Variants in AGPAT4 observed in about 807,000 individuals in gnomAD.
AGPAT4 encodes 1-acyl-sn-glycerol-3-phosphate acyltransferase delta.
A neutral mutation model predicts 48.0 loss-of-function variants in AGPAT4; 15 were observed. That is an observed-to-expected ratio of 0.31 (90% confidence interval 0.21 to 0.48). AGPAT4 has a LOEUF of 0.48. Ranked by LOEUF, AGPAT4 falls within the 20% of genes least tolerant of loss-of-function variation. The probability of loss-of-function intolerance (pLI) is 0.99; values close to 1 mark genes in which losing one functional copy is unlikely to be tolerated. For missense variants in AGPAT4, 314 were observed against 482.5 expected (o/e 0.65, Z 3.27); for synonymous variants, 178 against 198.7 (o/e 0.90, Z 0.88).
At position 161,159,777 on chromosome 6, in the gene AGPAT4, G is replaced by C. The variant is rs1418333913; in HGVS notation, c.349-5467C>G. On this transcript the variant is annotated intron_variant, in intron 3 of 8. Transcript: ENST00000320285. The surrounding 1 kb of genome is among the most constrained non-coding windows in gnomAD (Gnocchi z 4.1). ...TCCTGCCTCAGCCTCCGGAGTAGCT[G>C]GGATTACAGGCACCTGCCACCGTGC... 6.6e-6 allele frequency among the ~76,000 whole-genome samples: 1 copy of C among 151,798 alleles called. No homozygotes were observed. Among genetic ancestry groups the C allele is most frequent in the East Asian group, 1.9e-4 (1 of 5,160 alleles).
In AGPAT4 at chr6:161,139,665, G is replaced by T; in HGVS notation, c.844-45C>A. 1 of 1,523,142 alleles carries T rather than the reference G, an allele frequency of 6.6e-7. No homozygotes were observed. The highest frequency in any genetic ancestry group is 8.9e-7 in the Non-Finnish European group (1 of 1,123,684). The allele number at this position is 1,523,142 out of a possible 1,614,324, so 94.4% of individuals were successfully genotyped here. On this transcript the variant is annotated intron_variant, in intron 7 of 8. Transcript: ENST00000320285. This position sits in a 1 kb window ranked among gnomAD's most constrained non-coding sequence, Gnocchi z 9.1. The stretch of plus-strand genomic sequence containing the variant: ...ACCCTCAGACGCCACACGGGGCTCG[G>T]TGGCAGGTCCCTCCCGAGGCCCTGC...
chr6:161,245,577 C>T lies in AGPAT4; in HGVS notation c.-89-13275G>A, dbSNP rs1024271217. Among the ~76,000 whole-genome samples, 3 of 152,232 alleles carry T rather than the reference C, an allele frequency of 2.0e-5. No individual in the cohort carries two copies. The highest frequency in any genetic ancestry group is 3.4e-3 in the Middle Eastern group (1 of 294). On this transcript the variant is annotated intron_variant, in intron 1 of 8. Coordinates refer to ENST00000320285, the MANE Select transcript of AGPAT4 (RefSeq NM_020133.3). This position sits in a 1 kb window ranked among gnomAD's most constrained non-coding sequence, Gnocchi z 5.2. ...TTTTGTGGGGTGGTTCAGCGAGGGG[C>T]TGCTCAGGGGAGCAGTTTAGGGGGA...
rs1330979483 is a variant in AGPAT4, at chr6:161,244,112, C to G, written c.-89-11810G>C. On this transcript the variant is annotated intron_variant, in intron 1 of 8. Transcript: ENST00000320285. This position sits in a 1 kb window ranked among gnomAD's most constrained non-coding sequence, Gnocchi z 4.7. ...AAACTGGTATTGAGAAGACCAAGAC[C>G]CTCATCACTTTGGTGCTCTCTGAAT... Among the ~76,000 whole-genome samples, 1 of 152,186 alleles carries G rather than the reference C, an allele frequency of 6.6e-6. No individual in the cohort carries two copies. Among genetic ancestry groups the G allele is most frequent in the African/African-American group, 2.4e-5 (1 of 41,444 alleles).
intron 3 of AGPAT4, among the ~76,000 whole-genome samples, chr6:161,162,986 G>T (rs1356089505): frequency 2.0e-5 from 3 of 152,256 alleles, no homozygotes; most frequent in Non-Finnish European, 4.4e-5. Flanking sequence ...GCAAGGTTCA[G>T]CGTGTGACTC....
rs945894615 is a variant in AGPAT4 at position 161,143,326 on chromosome 6, C to T, written c.843+3198G>A. Among the ~76,000 whole-genome samples the T allele has an allele frequency of 1.3e-5, 2 of 152,220 alleles. No homozygotes were observed. The highest frequency in any genetic ancestry group is 4.8e-5 in the African/African-American group (2 of 41,442). ...CTGGCCTCAAGTGATCCTCCAGCCT[C>T]AGCCTCCCAAAGTGCTTACTCCCAA... is the stretch of plus-strand genomic sequence containing the variant. On this transcript the variant is annotated intron_variant, in intron 7 of 8. Transcript: ENST00000320285. This position sits in a 1 kb window ranked among gnomAD's most constrained non-coding sequence, Gnocchi z 4.7.
At chr6:161,188,869 G>A (rs138375722) in intron 2 of AGPAT4, among the ~76,000 whole-genome samples, 112 of 152,184 alleles carry the variant, frequency 7.4e-4, no homozygotes, top group African/African-American at 2.3e-3. Context: ...GATCGGCATC[G>A]CTATCTCATT....
At position 161,195,365 on chromosome 6, in the gene AGPAT4, C is replaced by T. The variant is rs1026233410; in HGVS notation, c.179-28948G>A. Among the ~76,000 whole-genome samples the T allele has an allele frequency of 6.6e-6, 1 of 152,050 alleles. No individual in the cohort carries two copies. The highest frequency in any genetic ancestry group is 2.4e-5 in the African/African-American group (1 of 41,412). ...GAGAAGACAAGCACTGCAGGACAAC[C>T]ATTGGGCGGGTTATAAACACCTTTC... is the stretch of plus-strand genomic sequence containing the variant. On this transcript the variant is annotated intron_variant, in intron 2 of 8. Transcript: ENST00000320285. The surrounding 1 kb of genome is among the most constrained non-coding windows in gnomAD (Gnocchi z 5.0).
At chr6:161,167,598 C>T (rs1780142216) in intron 2 of AGPAT4, among the ~76,000 whole-genome samples, 1 of 152,170 alleles carries the variant, frequency 6.6e-6, no homozygotes, top group South Asian at 2.1e-4. Context: ...CCCACCCCAT[C>T]CCTACCCTAC....
Position 161,130,583 on chromosome 6 carries a change from C to G in AGPAT4, c.*5957G>C, listed in dbSNP as rs998679277. Reference sequence around the variant, plus strand: ...CACTTAGAGCAACTCATTCCCTGACCTGAACCGGGTGTGTTCCACCCTTGC... The same window carrying G: ...CACTTAGAGCAACTCATTCCCTGACGTGAACCGGGTGTGTTCCACCCTTGC... On this transcript the variant is annotated 3_prime_UTR_variant, in exon 9 of 9. Coordinates refer to ENST00000320285, the MANE Select transcript of AGPAT4 (RefSeq NM_020133.3). 4.7e-6 allele frequency: 1 copy of G among 210,764 alleles called. No homozygotes were observed. Among genetic ancestry groups the G allele is most frequent in the Non-Finnish European group, 1.0e-5 (1 of 100,294 alleles). 13.1% of individuals were successfully genotyped at this position (210,764 alleles called of 1,614,324 possible). A position where few individuals can be genotyped will look rare whatever the true frequency, so the allele number is the denominator to read the frequency against.
At position 161,217,033 on chromosome 6, in the gene AGPAT4, C is replaced by T. The variant is rs1385663639; in HGVS notation, c.178+15003G>A. ...ATGCGGTTCTCATGTTACACGTGTT[C>T]TTCACCTTCAGGCTTTCCTGTCCTT... On this transcript the variant is annotated intron_variant, in intron 2 of 8. Transcript: ENST00000320285. The surrounding 1 kb of genome is among the most constrained non-coding windows in gnomAD (Gnocchi z 4.9). Among the ~76,000 whole-genome samples, 1 of 152,208 alleles carries T rather than the reference C, an allele frequency of 6.6e-6. No homozygotes were observed. The highest frequency in any genetic ancestry group is 2.4e-5 in the African/African-American group (1 of 41,466).
rs1782924858 is a variant in AGPAT4 at position 161,255,624 on chromosome 6, A to T, written c.-90+18314T>A. On this transcript the variant is annotated intron_variant, in intron 1 of 8. Transcript: ENST00000320285. This position sits in a 1 kb window ranked among gnomAD's most constrained non-coding sequence, Gnocchi z 4.7. Reference sequence around the variant, plus strand: ...TTATATGAAAGAAACCCGTCACAAAACACCACATATGGTACGATTCGGTTT... The same window carrying T: ...TTATATGAAAGAAACCCGTCACAAATCACCACATATGGTACGATTCGGTTT... 6.6e-6 allele frequency among the ~76,000 whole-genome samples: 1 copy of T among 152,146 alleles called. No homozygotes were observed. Among genetic ancestry groups the T allele is most frequent in the Admixed American group, 6.5e-5 (1 of 15,268 alleles).
rs1014032117 is a variant in AGPAT4 at position 161,229,383 on chromosome 6, G to C, written c.178+2653C>G. On this transcript the variant is annotated intron_variant, in intron 2 of 8. Coordinates refer to ENST00000320285, the MANE Select transcript of AGPAT4 (RefSeq NM_020133.3). This position sits in a 1 kb window ranked among gnomAD's most constrained non-coding sequence, Gnocchi z 6.0. ...AGCAGAGGAGAGTTACAGCATAGACGCTGCAGAGTCATCTGCTAGTTAAGC... is the reference window on the plus strand; with the variant it reads ...AGCAGAGGAGAGTTACAGCATAGACCCTGCAGAGTCATCTGCTAGTTAAGC... Among the ~76,000 whole-genome samples, 40 of 152,152 alleles carry C rather than the reference G, an allele frequency of 2.6e-4. No homozygotes were observed. The highest frequency in any genetic ancestry group is 9.4e-4 in the African/African-American group (39 of 41,434).
At position 161,214,191 on chromosome 6, in the gene AGPAT4, A is replaced by G. The variant is rs978209819; in HGVS notation, c.178+17845T>C. On this transcript the variant is annotated intron_variant, in intron 2 of 8. Transcript: ENST00000320285. This position sits in a 1 kb window ranked among gnomAD's most constrained non-coding sequence, Gnocchi z 5.4. ...TTGTCCTGCCTTTCCAGACCAAACC[A>G]ATGTTCATGTTACATCTGTTGATTG... 6.6e-6 allele frequency among the ~76,000 whole-genome samples: 1 copy of G among 152,132 alleles called. No individual in the cohort carries two copies. The highest frequency in any genetic ancestry group is 2.4e-5 in the African/African-American group (1 of 41,406).
At chr6:161,170,835 G>C (rs768761743) in intron 2 of AGPAT4, among the ~76,000 whole-genome samples, 6 of 152,116 alleles carry the variant, frequency 3.9e-5, no homozygotes, top group African/African-American at 7.2e-5. Flanking sequence ...AACTGCTCAG[G>C]GCTCAGGGCA....
intron 2 of AGPAT4, among the ~76,000 whole-genome samples, chr6:161,194,645 T>C (rs577786508): frequency 1.3e-5 from 2 of 151,972 alleles, no homozygotes; most frequent in Admixed American, 6.6e-5. Context: ...TGTGTGTATG[T>C]GTATGTATGT....
At position 161,180,533 on chromosome 6, in the gene AGPAT4, T is replaced by C. The variant is rs1327392926; in HGVS notation, c.179-14116A>G. 2.0e-5 allele frequency among the ~76,000 whole-genome samples: 3 copies of C among 152,236 alleles called. No individual in the cohort carries two copies. Among genetic ancestry groups the C allele is most frequent in the Non-Finnish European group, 4.4e-5 (3 of 68,036 alleles). ...AACAATTATATAATTACATAGGTGATTGCTATGAAATATAACAAATATGTA... is the reference window on the plus strand; with the variant it reads ...AACAATTATATAATTACATAGGTGACTGCTATGAAATATAACAAATATGTA... On this transcript the variant is annotated intron_variant, in intron 2 of 8. Transcript: ENST00000320285. The surrounding 1 kb of genome is among the most constrained non-coding windows in gnomAD (Gnocchi z 6.4).
intron 1 of AGPAT4, among the ~76,000 whole-genome samples, chr6:161,271,959 C>T (rs75584423): frequency 0.02 from 3,034 of 152,278 alleles, 97 homozygotes; most frequent in African/African-American, 0.067. Context: ...TGCTCACAAT[C>T]CAACCGTTTC....
In AGPAT4 at chr6:161,130,620, T is replaced by C. The variant is rs2093065107; in HGVS notation, c.*5920A>G. 3.8e-6 allele frequency: 1 copy of C among 262,040 alleles called. No individual in the cohort carries two copies. Among genetic ancestry groups the C allele is most frequent in the Non-Finnish European group, 7.9e-6 (1 of 127,152 alleles). The allele number at this position is 262,040 out of a possible 1,614,324, so 16.2% of individuals were successfully genotyped here. A position where few individuals can be genotyped will look rare whatever the true frequency, so the allele number is the denominator to read the frequency against. On this transcript the variant is annotated 3_prime_UTR_variant, in exon 9 of 9. Transcript: ENST00000320285. ...TGTTCCACCCTTGCCCATGGTTAGA[T>C]CTCTTTCCTTGATAGAACAAGCAAA...
At chr6:161,181,250 C>G (rs750286613) in intron 2 of AGPAT4, among the ~76,000 whole-genome samples, 1 of 152,182 alleles carries the variant, frequency 6.6e-6, no homozygotes, top group Non-Finnish European at 1.5e-5. Flanking sequence ...TGTCCTGGTA[C>G]TCAACACAGT....
Sources: allele counts gnomAD v4.1 joint callset (sites outside exome capture counted in the v4.1 genomes callset), GRCh38; gene constraint gnomAD v4.1.1; non-coding constraint Gnocchi (gnomAD v3.1); transcripts MANE v1.5; gene names NCBI Gene and HGNC (gene_info 2026-07-23, HGNC 2026-07-21).